Variants in TMEM163 observed in about 807,000 individuals in gnomAD.
The protein encoded by TMEM163 is transmembrane protein 163.
A neutral mutation model predicts 29.3 loss-of-function variants in TMEM163; 17 were observed. That is an observed-to-expected ratio of 0.58 (90% CI 0.40 to 0.87). The LOEUF is 0.87. TMEM163 is among the 40% of genes least tolerant of loss of function. TMEM163 has a pLI of 0.00. For missense variants in TMEM163, 303 were observed against 381.5 expected, an observed-to-expected ratio of 0.79 and a Z score of 1.71; for synonymous variants, 157 against 160.6, an observed-to-expected ratio of 0.98 and a Z score of 0.17.
chr2:134,461,605 A>G (rs1305953166), intron 6 of TMEM163, among the ~76,000 whole-genome samples: 1 of 152,226 alleles, frequency 6.6e-6, no homozygotes, highest in East Asian at 1.9e-4. Context: ...ATCCAAAGCC[A>G]CAAACCAGAT....
At chr2:134,681,288 G>A (rs1184348969) in intron 2 of TMEM163, among the ~76,000 whole-genome samples, 1 of 152,138 alleles carries the variant, frequency 6.6e-6, no homozygotes, top group Non-Finnish European at 1.5e-5. Flanking sequence ...GACCCCGATG[G>A]GTACTGATAG....
intron 4 of TMEM163, among the ~76,000 whole-genome samples, chr2:134,545,074 TAAAAC>T (rs768866547): frequency 1.3e-5 from 2 of 152,256 alleles, no homozygotes; most frequent in East Asian, 3.9e-4. Flanking sequence ...CCTCTTTTGT[TAAAAC>T]AAATGAGAAA....
chr2:134,520,927 T>C (rs1251216528), intron 4 of TMEM163, among the ~76,000 whole-genome samples: 2 of 152,144 alleles, frequency 1.3e-5, no homozygotes, highest in Admixed American at 6.5e-5. Flanking sequence ...AGTCTTGCAT[T>C]AGGGTCTGGG....
chr2:134,620,503 T>C (rs976470435), intron 2 of TMEM163, among the ~76,000 whole-genome samples: 1 of 152,150 alleles, frequency 6.6e-6, no homozygotes, highest in Admixed American at 6.5e-5. Flanking sequence ...GTGATCCACC[T>C]GCCTTGGCCT....
intron 2 of TMEM163, among the ~76,000 whole-genome samples, chr2:134,708,849 A>C (rs1405082062): frequency 6.6e-6 from 1 of 152,168 alleles, no homozygotes; most frequent in South Asian, 2.1e-4. Context: ...CAGCCTCCAA[A>C]GTGCTGGGAT....
rs577469271 is a variant in TMEM163, at chr2:134,498,552, G to A, written c.555+4349C>T. Among the ~76,000 whole-genome samples, 8 of 152,004 alleles carry A rather than the reference G, an allele frequency of 5.3e-5. No homozygotes were observed. In the South Asian group the frequency reaches 1.5e-3, roughly 28 times the overall value. On this transcript the variant is annotated intron_variant, in intron 5 of 7. Coordinates refer to ENST00000281924, the MANE Select transcript of TMEM163 (RefSeq NM_030923.5). Reference sequence around the variant, plus strand: ...TCACCATGTTAGCCAGGCTGGTCTCGAACTCCTGGCCTTAGGTGATCCGCC... The same window carrying A: ...TCACCATGTTAGCCAGGCTGGTCTCAAACTCCTGGCCTTAGGTGATCCGCC...
chr2:134,478,471 G>A (rs1686968512), intron 5 of TMEM163, among the ~76,000 whole-genome samples: 1 of 152,208 alleles, frequency 6.6e-6, no homozygotes, highest in Non-Finnish European at 1.5e-5. Flanking sequence ...TTGGGAACTG[G>A]AGTGAAGATT....
At position 134,712,717 on chromosome 2, in the gene TMEM163, A is replaced by C. The variant is rs572232462; in HGVS notation, c.322+483T>G. Among the ~76,000 whole-genome samples the C allele has an allele frequency of 3.3e-5, 5 of 152,254 alleles. No homozygotes were observed. In the South Asian group the frequency reaches 1.0e-3, roughly 32 times the overall value. On this transcript the variant is annotated intron_variant, in intron 2 of 7. Transcript: ENST00000281924. ...TGTTTTTGTTTCCACGGCCACTGAAAACTTGACAGAAGACCCTCCCATTTT... is the reference window on the plus strand; with the variant it reads ...TGTTTTTGTTTCCACGGCCACTGAACACTTGACAGAAGACCCTCCCATTTT...
chr2:134,476,773 TC>T (rs955450668), intron 5 of TMEM163, among the ~76,000 whole-genome samples: 4 of 152,160 alleles, frequency 2.6e-5, no homozygotes, highest in Admixed American at 1.3e-4. Context: ...TTTCTAGACA[TC>T]TCAAGTGTTT....
chr2:134,713,614 G>A (rs910814899), intron 1 of TMEM163: 9 of 537,998 alleles, frequency 1.7e-5, no homozygotes, highest in Admixed American at 6.7e-5. Context: ...TACCACACCA[G>A]GCCATTCCTT....
At chr2:134,495,708 A>C (rs1268336010) in intron 5 of TMEM163, among the ~76,000 whole-genome samples, 1 of 152,210 alleles carries the variant, frequency 6.6e-6, no homozygotes, top group Non-Finnish European at 1.5e-5. Context: ...CGTTCATGCT[A>C]AATGCCACAT....
chr2:134,621,813 C>G (rs1242644060), intron 2 of TMEM163, among the ~76,000 whole-genome samples: 2 of 152,084 alleles, frequency 1.3e-5, no homozygotes, highest in Non-Finnish European at 2.9e-5. Context: ...ATGGTGTGAA[C>G]CCGGGAGGTG....
chr2:134,714,549 A>C (rs969148052), intron 1 of TMEM163, among the ~76,000 whole-genome samples: 9 of 152,366 alleles, frequency 5.9e-5, no homozygotes, highest in African/African-American at 2.2e-4. Flanking sequence ...TCTCAGTTCC[A>C]TTTATAACCC....
chr2:134,500,285 T>C (rs1679669527), intron 5 of TMEM163, among the ~76,000 whole-genome samples: 1 of 152,240 alleles, frequency 6.6e-6, no homozygotes, highest in South Asian at 2.1e-4. Context: ...GTCAGGGGCC[T>C]GGCTGTCACC....
chr2:134,535,230 C>T (rs184977073), intron 4 of TMEM163, among the ~76,000 whole-genome samples: 4 of 152,176 alleles, frequency 2.6e-5, no homozygotes, highest in Admixed American at 2.0e-4. Context: ...GTGACTTCCA[C>T]GCCACTGACA....
chr2:134,512,006 G>C (rs1679959780), intron 4 of TMEM163, among the ~76,000 whole-genome samples: 1 of 152,164 alleles, frequency 6.6e-6, no homozygotes. Flanking sequence ...AGCTGATCAT[G>C]GTTTTTGTAG....
intron 4 of TMEM163, among the ~76,000 whole-genome samples, chr2:134,549,637 C>A (rs1362141664): frequency 6.6e-6 from 1 of 152,184 alleles, no homozygotes; most frequent in Non-Finnish European, 1.5e-5. Context: ...AGCCACCACA[C>A]CCAGCCTCAA....
chr2:134,545,161 CAGAT>C (rs1244156728), intron 4 of TMEM163, among the ~76,000 whole-genome samples: 1 of 152,164 alleles, frequency 6.6e-6, no homozygotes, highest in African/African-American at 2.4e-5. Flanking sequence ...GTTAAGTAAA[CAGAT>C]AGTGCTTCAT....
chr2:134,490,974 A>G (rs1037296714), intron 5 of TMEM163, among the ~76,000 whole-genome samples: 1 of 152,142 alleles, frequency 6.6e-6, no homozygotes, highest in Admixed American at 6.5e-5. Context: ...AGGAAACTCA[A>G]TGAAAAAAAA....
Sources: allele counts gnomAD v4.1 joint callset (sites outside exome capture counted in the v4.1 genomes callset), GRCh38; gene constraint gnomAD v4.1.1; transcripts MANE v1.5; gene names NCBI Gene and HGNC (gene_info 2026-07-23, HGNC 2026-07-21).